The following AKAP19 variants were observed in gnomAD, a reference collection of about 807,000 sequenced individuals.
AKAP19 encodes A-kinase anchoring protein 19, also known as small A-kinase anchoring protein.
chr2:190,179,745 C>T, the AKAP19 span, among the ~76,000 whole-genome samples: 5 of 152,124 alleles, frequency 3.3e-5, no homozygotes, highest in Non-Finnish European at 7.4e-5. This position sits in a 1 kb window ranked among gnomAD's most constrained non-coding sequence, Gnocchi z 6.0. Context: ...TTTTAAGTTC[C>T]ACTCTCTTTC....
chr2:190,014,158 C>A, the AKAP19 span, among the ~76,000 whole-genome samples: 1 of 152,034 alleles, frequency 6.6e-6, no homozygotes, highest in Admixed American at 6.6e-5. Flanking sequence ...TTTTATTTCC[C>A]TTTTAGTTAC....
the AKAP19 span, among the ~76,000 whole-genome samples, chr2:189,944,145 G>C: frequency 6.6e-5 from 10 of 152,152 alleles, no homozygotes; most frequent in Admixed American, 5.9e-4. Flanking sequence ...ATATAGTTTA[G>C]ATATTTGTCC....
chr2:190,084,315 A>G, the AKAP19 span, among the ~76,000 whole-genome samples: 2 of 152,004 alleles, frequency 1.3e-5, no homozygotes, highest in South Asian at 2.1e-4. Context: ...CTGGTTTCGA[A>G]TTCCTCACCT....
chr2:190,193,749 C>A, the AKAP19 span, among the ~76,000 whole-genome samples: 2 of 152,062 alleles, frequency 1.3e-5, no homozygotes, highest in African/African-American at 2.4e-5. Context: ...TCTATTAGAT[C>A]TTTTTAAAGA....
the AKAP19 span, among the ~76,000 whole-genome samples, chr2:190,142,845 A>G: frequency 6.6e-6 from 1 of 152,188 alleles, no homozygotes; most frequent in East Asian, 1.9e-4. Context: ...AGGGAAAAGT[A>G]CACCCTCAAT....
the AKAP19 span, among the ~76,000 whole-genome samples, chr2:189,893,029 A>G: frequency 6.6e-6 from 1 of 152,062 alleles, no homozygotes; most frequent in African/African-American, 2.4e-5. Flanking sequence ...CTTTGTTTAC[A>G]CTGTGAGGGG....
At chr2:189,993,020 C>A in the AKAP19 span, among the ~76,000 whole-genome samples, 9 of 152,232 alleles carry the variant, frequency 5.9e-5, no homozygotes, top group African/African-American at 2.2e-4. Flanking sequence ...CTTTCTCTTG[C>A]CTGATTGCTC....
At chr2:189,993,091 T>G in the AKAP19 span, among the ~76,000 whole-genome samples, 1 of 152,246 alleles carries the variant, frequency 6.6e-6, no homozygotes, top group Non-Finnish European at 1.5e-5. Flanking sequence ...CCTTGTCTTG[T>G]TCCAGTTCCC....
chr2:190,127,922 A>G, the AKAP19 span, among the ~76,000 whole-genome samples: 1 of 152,064 alleles, frequency 6.6e-6, no homozygotes. Flanking sequence ...ATATAATGAA[A>G]CCCATCAACC....
the AKAP19 span, among the ~76,000 whole-genome samples, chr2:190,126,947 C>T: frequency 1.3e-5 from 2 of 152,008 alleles, no homozygotes; most frequent in Non-Finnish European, 2.9e-5. Context: ...TGGCTAAGGA[C>T]AGACAAGCTT....
At chr2:189,955,638 CT>C in the AKAP19 span, among the ~76,000 whole-genome samples, 1 of 151,836 alleles carries the variant, frequency 6.6e-6, no homozygotes, top group South Asian at 2.1e-4. Context: ...TGTTTTTTGA[CT>C]TTTTAATAAC....
chr2:190,072,379 G>A, the AKAP19 span, among the ~76,000 whole-genome samples: 1 of 151,892 alleles, frequency 6.6e-6, no homozygotes, highest in African/African-American at 2.4e-5. Context: ...ATATACCCAG[G>A]TAACAAACCT....
At chr2:190,012,521 C>T in the AKAP19 span, among the ~76,000 whole-genome samples, 1 of 152,126 alleles carries the variant, frequency 6.6e-6, no homozygotes, top group East Asian at 1.9e-4. Flanking sequence ...TTTGATGGAG[C>T]TATTAGGGTT....
the AKAP19 span, among the ~76,000 whole-genome samples, chr2:190,179,413 AAAG>A: frequency 4.0e-5 from 6 of 151,866 alleles, no homozygotes; most frequent in African/African-American, 1.5e-4. The surrounding 1 kb of genome is among the most constrained non-coding windows in gnomAD (Gnocchi z 6.0). Context: ...ATCTCAAAAA[AAAG>A]AAAAAAAAAA....
At chr2:189,902,112 A>G in the AKAP19 span, among the ~76,000 whole-genome samples, 1 of 151,910 alleles carries the variant, frequency 6.6e-6, no homozygotes, top group Non-Finnish European at 1.5e-5. Context: ...AAATTTTAAT[A>G]TCTCATAGGG....
At chr2:189,981,877 G>T in the AKAP19 span, among the ~76,000 whole-genome samples, 1 of 152,124 alleles carries the variant, frequency 6.6e-6, no homozygotes, top group African/African-American at 2.4e-5. Flanking sequence ...TCTACTGTTA[G>T]TCTGACAAGA....
chr2:190,186,915 C>A, the AKAP19 span, among the ~76,000 whole-genome samples: 1 of 152,136 alleles, frequency 6.6e-6, no homozygotes, highest in African/African-American at 2.4e-5. The surrounding 1 kb of genome is among the most constrained non-coding windows in gnomAD (Gnocchi z 5.5). Flanking sequence ...CCATGGCTCA[C>A]TGCAACTTCC....
the AKAP19 span, among the ~76,000 whole-genome samples, chr2:190,120,273 AG>A: frequency 1.3e-5 from 2 of 152,178 alleles, no homozygotes; most frequent in African/African-American, 2.4e-5. Flanking sequence ...GAGGTGTAAA[AG>A]TTTCATCCCG....
the AKAP19 span, among the ~76,000 whole-genome samples, chr2:189,936,625 A>G: frequency 3.3e-5 from 5 of 151,884 alleles, no homozygotes; most frequent in Admixed American, 6.5e-5. Flanking sequence ...TAGGATAAAG[A>G]AACAAATGTC....
Sources: allele counts gnomAD v4.1 joint callset (sites outside exome capture counted in the v4.1 genomes callset), GRCh38; gene constraint gnomAD v4.1.1; non-coding constraint Gnocchi (gnomAD v3.1); transcripts MANE v1.5; gene names NCBI Gene and HGNC (gene_info 2026-07-23, HGNC 2026-07-21).